PIH1D1: variants seen among roughly 807,000 people sequenced by gnomAD.
PIH1D1 encodes the protein PIH1 domain containing 1.
PIH1D1 carries 28 observed loss-of-function variants against 38.5 expected under a neutral mutation model. The observed-to-expected ratio is 0.73, with a 90% CI of 0.54 to 1.00. The LOEUF (loss-of-function observed/expected upper bound fraction) is 1.00, where lower values mean the gene tolerates loss of function less well. Among genes scored for constraint, PIH1D1 ranks in the 50% least tolerant of loss-of-function variants. PIH1D1 has a pLI of 0.00. For synonymous variants in PIH1D1, 155 were observed against 153.5 expected (o/e 1.01, Z -0.07); for missense variants, 343 against 369.9 (o/e 0.93, Z 0.60).
intron 1 of PIH1D1, 102 bp from the exon 2 acceptor site, chr19:49,450,950 C>T (rs1367133525): frequency 3.8e-6 from 6 of 1,595,430 alleles, no homozygotes; most frequent in African/African-American, 1.3e-5. Context: ...CTGTGGATAA[C>T]GCGAGAAATT....
intron 2 of PIH1D1, among the ~76,000 whole-genome samples, chr19:49,450,445 G>A (rs1419308577): frequency 6.6e-6 from 1 of 151,582 alleles, no homozygotes; most frequent in Non-Finnish European, 1.5e-5. Flanking sequence ...TTGAGACAGA[G>A]TCTCGCTCTG....
chr19:49,451,378 C>T, intron 1 of PIH1D1, 107 bp downstream of exon 1: 2 of 1,509,204 alleles, frequency 1.3e-6, no homozygotes, highest in South Asian at 1.2e-5. Flanking sequence ...CTCAATTCCC[C>T]GAGGCCTGGT....
intron 1 of PIH1D1, 125 bp from the exon 2 acceptor site, chr19:49,450,973 T>G: frequency 1.3e-6 from 2 of 1,536,110 alleles, no homozygotes; most frequent in Non-Finnish European, 8.8e-7. Flanking sequence ...ACGGTTTAGG[T>G]CCCCTTTCTC....
rs779654101 is a variant in PIH1D1 at position 49,449,532 on chromosome 19, G to A, written c.280C>T (p.Gln94Ter). Reference sequence around the variant, plus strand: ...CTCATGGGGATGCGAAACCCAGCTTGGTCCTCCTCTAGCATCTGAAGCAGC... The same window carrying A: ...CTCATGGGGATGCGAAACCCAGCTTAGTCCTCCTCTAGCATCTGAAGCAGC... ...EELLQMLEED[Q>*]AGFRIPMSLG... is the part of the protein sequence containing the mutation. Residue 94 changes from glutamine to a stop codon, truncating the protein, a stop_gained, in exon 3 of 9, where the codon CAA becomes TAA. Transcript: ENST00000262265. LOFTEE classifies it high-confidence loss of function. 2 of 1,614,206 alleles carry A rather than the reference G, an allele frequency of 1.2e-6. No homozygotes were observed. The highest frequency in any genetic ancestry group is 1.7e-6 in the Non-Finnish European group (2 of 1,180,038).
At chr19:49,449,764 TC>T in intron 2 of PIH1D1, 110 bp from the exon 3 acceptor site, 2 of 826,252 alleles carry the variant, frequency 2.4e-6, no homozygotes, top group Non-Finnish European at 3.8e-6. Context: ...CCTTTTTTGT[TC>T]CACTCCCCAC....
chr19:49,448,416 T>C, intron 3 of PIH1D1: 1 of 328,942 alleles, frequency 3.0e-6, no homozygotes, highest in Non-Finnish European at 5.8e-6. Flanking sequence ...ACCTCATTCT[T>C]CTAGCAACCT....
intron 3 of PIH1D1, 53 bp from the exon 4 acceptor site, chr19:49,448,115 C>T: frequency 6.4e-7 from 1 of 1,559,034 alleles, no homozygotes; most frequent in Non-Finnish European, 8.8e-7. Context: ...AGGAAGCCCA[C>T]AGCCCAGACC....
chr19:49,447,228 CCT>C, intron 6 of PIH1D1, 108 bp downstream of exon 6: 2 of 1,523,064 alleles, frequency 1.3e-6, no homozygotes, highest in Non-Finnish European at 1.8e-6. Context: ...CTCTCTCCTC[CCT>C]CTCTCAGTGC....
In PIH1D1 at chr19:49,449,449, C is replaced by T. The variant is rs200747134; in HGVS notation, c.337+26G>A. ...GGAAGAAGGGGCCTAGCGGGCCAGA[C>T]TCCTGGGTCCTCTGAGGGCACTGAC... On this transcript the variant is annotated intron_variant, in intron 3 of 8. Coordinates refer to ENST00000262265, the MANE Select transcript of PIH1D1 (RefSeq NM_017916.3). 2.4e-4 allele frequency: 393 copies of T among 1,612,182 alleles called. 1 individual carries two copies. Among genetic ancestry groups the T allele is most frequent in the Non-Finnish European group, 3.2e-4 (380 of 1,178,222 alleles).
intron 2 of PIH1D1, 105 bp downstream of exon 2, chr19:49,450,677 A>AGGGCCC: frequency 2.8e-6 from 1 of 353,418 alleles, no homozygotes; most frequent in Non-Finnish European, 5.8e-6. Flanking sequence ...GTGTCTGCTC[A>AGGGCCC]CCCCACCCCC....
chr19:49,447,240 C>G (rs768571567), intron 6 of PIH1D1, 98 bp downstream of exon 6: 19 of 1,547,548 alleles, frequency 1.2e-5, no homozygotes, highest in Non-Finnish European at 1.6e-5. Flanking sequence ...TCTCTCAGTG[C>G]CCAGGGCCCC....
chr19:49,449,836 C>G (rs1029744662), intron 2 of PIH1D1, among the ~76,000 whole-genome samples, 182 bp from the exon 3 acceptor site: 1 of 150,562 alleles, frequency 6.6e-6, no homozygotes, highest in Non-Finnish European at 1.5e-5. Flanking sequence ...ACTCTGTCAC[C>G]CAGGCTGGAG....
rs978373963 is a variant in PIH1D1 at position 49,447,425 on chromosome 19, G to A, written c.524C>T (p.Ser175Leu). ...MKNRPFMGSI[S>L]QQNIRSEQRP... ...CTGCTCCGAGCGGATGTTCTGCTGC[G>A]AGATGGAGCCCATGAATGGCCGGTT... is the stretch of plus-strand genomic sequence containing the variant. The change falls in exon 6 of 9, where the codon TCG becomes TTG. Residue 175 changes from serine (S) to leucine (L), a missense_variant. Transcript: ENST00000262265. 9 of 1,612,376 alleles carry A rather than the reference G, an allele frequency of 5.6e-6. No homozygotes were observed. The highest frequency in any genetic ancestry group is 1.3e-5 in the African/African-American group (1 of 74,900).
rs769081993 is a variant in PIH1D1 at position 49,447,319 on chromosome 19, G to A, written c.611+19C>T. 2.9e-5 allele frequency: 47 copies of A among 1,613,660 alleles called. No homozygotes were observed. In the Middle Eastern group the frequency reaches 6.6e-4, roughly 23 times the overall value. ...GAGCGTTGAGGAAACATCAGACCGGGGATCTACCGAAGGCCCACCCTGACT... is the reference window on the plus strand; with the variant it reads ...GAGCGTTGAGGAAACATCAGACCGGAGATCTACCGAAGGCCCACCCTGACT... On this transcript the variant is annotated intron_variant, in intron 6 of 8. Transcript: ENST00000262265.
At chr19:49,448,211 C>G in intron 3 of PIH1D1, 149 bp from the exon 4 acceptor site, 2 of 727,910 alleles carry the variant, frequency 2.7e-6, no homozygotes, top group Non-Finnish European at 4.7e-6. Context: ...TCACTTTCCG[C>G]TCTGGACTCT....
At chr19:49,451,247 T>A in intron 1 of PIH1D1, 1 of 529,072 alleles carries the variant, frequency 1.9e-6, no homozygotes. Context: ...GCCAGGATGG[T>A]CTCGATCTCC....
Position 49,447,607 on chromosome 19 carries a change from C to G in PIH1D1, c.482-140G>C, listed in dbSNP as rs2079032290. The G allele has an allele frequency of 9.2e-6, 10 of 1,082,738 alleles. No homozygotes were observed. In the Admixed American group the frequency reaches 2.0e-4, roughly 21 times the overall value. 67.1% of individuals were successfully genotyped at this position (1,082,738 alleles called of 1,614,324 possible). On this transcript the variant is annotated intron_variant, in intron 5 of 8. Transcript: ENST00000262265. ...ACCCCGCAGGCTTGGCTCCAGGAAG[C>G]CCGCCCACCTTAGTCACGCCCCTCC...
At chr19:49,449,997 G>A (rs1212588736) in intron 2 of PIH1D1, among the ~76,000 whole-genome samples, 1 of 152,076 alleles carries the variant, frequency 6.6e-6, no homozygotes, top group Non-Finnish European at 1.5e-5. Context: ...GTTTCACCAT[G>A]TTGGCCAGGC....
rs781073490 is a variant in PIH1D1, at chr19:49,447,363, G to C, written c.586C>G (p.Pro196Ala). The C allele has an allele frequency of 4.3e-6, 7 of 1,613,770 alleles. No homozygotes were observed. In the African/African-American group the frequency reaches 8.0e-5, roughly 18 times the overall value. ...CCTGACTCAGCTCTCCCGGGGGCGGGCGTGTACAGGTCCCCCAGCTCCTGG... is the reference window on the plus strand; with the variant it reads ...CCTGACTCAGCTCTCCCGGGGGCGGCCGTGTACAGGTCCCCCAGCTCCTGG... ...RIQELGDLYT[P>A]APGRAESGPE... The change falls in exon 6 of 9, where the codon CCC becomes GCC. Residue 196 changes from proline to alanine, a missense_variant. Physicochemically the swap from Pro to Ala is conservative, Grantham distance 27. Coordinates refer to ENST00000262265, the MANE Select transcript of PIH1D1 (RefSeq NM_017916.3).
Sources: gnomAD v4.1 joint callset for allele counts (sites outside exome capture counted in the v4.1 genomes callset) on GRCh38, gnomAD v4.1.1 for gene constraint, MANE v1.5 for transcripts, NCBI Gene and HGNC (gene_info 2026-07-23, HGNC 2026-07-21) for gene names.